The following IQCH variants were observed in gnomAD, a reference collection of about 807,000 sequenced individuals.
IQCH encodes IQ motif containing H, also known as IQ domain-containing protein H.
In IQCH, 98 loss-of-function variants were observed where a neutral mutation model predicts 117.0. The ratio of observed to expected loss-of-function variants is 0.84; its 90% CI spans 0.71 to 0.99. The LOEUF is 0.99. Ranked by LOEUF, IQCH falls within the 50% of genes least tolerant of loss-of-function variation. IQCH has a pLI of 0.00. For missense variants in IQCH, 1,102 were observed against 1,243.8 expected (o/e 0.89, Z 1.72); for synonymous variants, 412 against 448.2 (o/e 0.92, Z 1.02).
At chr15:67,444,003 C>T (rs540972191) in intron 16 of IQCH, among the ~76,000 whole-genome samples, 1 of 152,338 alleles carries the variant, frequency 6.6e-6, no homozygotes, top group African/African-American at 2.4e-5. Flanking sequence ...ACTTATTTGG[C>T]TGCCAAGCCT....
rs963342540 is a variant in IQCH at position 67,390,992 on chromosome 15, T to G, written c.1632+1986T>G. Among the ~76,000 whole-genome samples, 1 of 152,248 alleles carries G rather than the reference T, an allele frequency of 6.6e-6. No individual in the cohort carries two copies. The highest frequency in any genetic ancestry group is 2.4e-5 in the African/African-American group (1 of 41,470). On this transcript the variant is annotated intron_variant, in intron 12 of 20. Coordinates refer to ENST00000335894, the MANE Select transcript of IQCH (RefSeq NM_001031715.3). The surrounding 1 kb of genome is among the most constrained non-coding windows in gnomAD (Gnocchi z 5.0). ...CCTTGCTCCTGGATGACCTGTGGCC[T>G]TGGGCAAGCCCCCTTACTTCTCTGG...
chr15:67,315,755 T>C lies in IQCH; in HGVS notation c.388-21220T>C, dbSNP rs573892473. Among the ~76,000 whole-genome samples, 3 of 152,280 alleles carry C rather than the reference T, an allele frequency of 2.0e-5. No individual in the cohort carries two copies. The South Asian group carries it at 6.2e-4, about 32-fold the overall frequency. On this transcript the variant is annotated intron_variant, in intron 4 of 20. Transcript: ENST00000335894. The stretch of plus-strand genomic sequence containing the variant: ...AACACCAATTAGACTACATTCCCTT[T>C]TTGAATCTTTTAAGTCAGCTTCTGC...
intron 15 of IQCH, among the ~76,000 whole-genome samples, chr15:67,418,857 C>T (rs1361405708): frequency 6.6e-6 from 1 of 151,022 alleles, no homozygotes; most frequent in African/African-American, 2.4e-5. Context: ...GGATTACAGG[C>T]GTGAGCCACT....
At chr15:67,271,548 G>GA (rs756536438) in intron 3 of IQCH, among the ~76,000 whole-genome samples, 3 of 152,242 alleles carry the variant, frequency 2.0e-5, no homozygotes, top group South Asian at 4.2e-4. Flanking sequence ...CAAATCATTG[G>GA]TTTTTCTTAG....
In IQCH at chr15:67,254,829, G is replaced by C. The variant is rs1019636309; in HGVS notation, c.-68G>C. Reference sequence around the variant, plus strand: ...CGCGGTGTTGCCATGGGGACGAGCGGCTCCGGCTGAAGGTTTCCGTGCTTG... The same window carrying C: ...CGCGGTGTTGCCATGGGGACGAGCGCCTCCGGCTGAAGGTTTCCGTGCTTG... On this transcript the variant is annotated 5_prime_UTR_variant, in exon 1 of 21. Coordinates refer to ENST00000335894, the MANE Select transcript of IQCH (RefSeq NM_001031715.3). The C allele has an allele frequency of 6.5e-7, 1 of 1,528,218 alleles. No individual in the cohort carries two copies. The highest frequency in any genetic ancestry group is 1.8e-5 in the Admixed American group (1 of 55,448). 94.7% of individuals were successfully genotyped at this position (1,528,218 alleles called of 1,614,324 possible).
intron 8 of IQCH, among the ~76,000 whole-genome samples, chr15:67,362,670 C>T (rs1970186148): frequency 6.6e-6 from 1 of 152,166 alleles, no homozygotes; most frequent in African/African-American, 2.4e-5. Context: ...CATATCCTCA[C>T]CCTACAGCCC....
chr15:67,384,804 G>T lies in IQCH; in HGVS notation c.1373-132G>T. 1 of 635,380 alleles carries T rather than the reference G, an allele frequency of 1.6e-6. No homozygotes were observed. The allele number at this position is 635,380 out of a possible 1,614,324, so 39.4% of individuals were successfully genotyped here. A position where few individuals can be genotyped will look rare whatever the true frequency, so the allele number is the denominator to read the frequency against. On this transcript the variant is annotated intron_variant, in intron 10 of 20. Transcript: ENST00000335894. The surrounding 1 kb of genome is among the most constrained non-coding windows in gnomAD (Gnocchi z 4.3). ...CAAGCACCTCATTCTTCGGGATTGG[G>T]TTGTTTCTGTAAGATGCTTCAGAGA...
rs993768162 is a variant in IQCH at position 67,370,869 on chromosome 15, G to A, written c.754-1242G>A. The stretch of plus-strand genomic sequence containing the variant: ...AGATGGCAGTCTAATTAATTATTGT[G>A]CGGCCCAGGACCGGAGAAAAGAAAA... On this transcript the variant is annotated intron_variant, in intron 8 of 20. Transcript: ENST00000335894. The surrounding 1 kb of genome is among the most constrained non-coding windows in gnomAD (Gnocchi z 5.6). Among the ~76,000 whole-genome samples the A allele has an allele frequency of 6.6e-6, 1 of 151,560 alleles. No individual in the cohort carries two copies. Among genetic ancestry groups the A allele is most frequent in the Non-Finnish European group, 1.5e-5 (1 of 67,896 alleles).
intron 16 of IQCH, among the ~76,000 whole-genome samples, chr15:67,442,182 G>A (rs1304361845): frequency 6.6e-6 from 1 of 151,810 alleles, no homozygotes; most frequent in Non-Finnish European, 1.5e-5. Flanking sequence ...AGGCCAAGGT[G>A]GTCAGGTCAC....
chr15:67,448,005 T>G (rs954722211), intron 16 of IQCH, among the ~76,000 whole-genome samples: 2 of 152,186 alleles, frequency 1.3e-5, no homozygotes, highest in African/African-American at 2.4e-5. Flanking sequence ...TGGCAAAGCT[T>G]TTTAAGGTTT....
At chr15:67,382,280 A>G (rs889109642) in intron 10 of IQCH, among the ~76,000 whole-genome samples, 1 of 152,200 alleles carries the variant, frequency 6.6e-6, no homozygotes, top group Non-Finnish European at 1.5e-5. Context: ...TGAGGACCTT[A>G]TTGCCTCAAG....
rs1345795110 is a variant in IQCH, at chr15:67,481,956, G to A, written c.2799+6138G>A. On this transcript the variant is annotated intron_variant, in intron 18 of 20. Coordinates refer to ENST00000335894, the MANE Select transcript of IQCH (RefSeq NM_001031715.3). The surrounding 1 kb of genome is among the most constrained non-coding windows in gnomAD (Gnocchi z 4.1). ...GTTTTAAAATTGCTAAGGATGGCTT[G>A]TGCCTGTAATCCTAGCTGCTCACGA... Among the ~76,000 whole-genome samples, 1 of 152,186 alleles carries A rather than the reference G, an allele frequency of 6.6e-6. No individual in the cohort carries two copies. Among genetic ancestry groups the A allele is most frequent in the Non-Finnish European group, 1.5e-5 (1 of 68,036 alleles).
Position 67,386,828 on chromosome 15 carries a change from G to T in IQCH, c.1456+1809G>T, listed in dbSNP as rs1165270936. Among the ~76,000 whole-genome samples, 1 of 152,094 alleles carries T rather than the reference G, an allele frequency of 6.6e-6. No homozygotes were observed. Among genetic ancestry groups the T allele is most frequent in the Non-Finnish European group, 1.5e-5 (1 of 68,006 alleles). On this transcript the variant is annotated intron_variant, in intron 11 of 20. Coordinates refer to ENST00000335894, the MANE Select transcript of IQCH (RefSeq NM_001031715.3). The surrounding 1 kb of genome is among the most constrained non-coding windows in gnomAD (Gnocchi z 5.0). ...TTACCTGTCAGTTAATTTTGAACAT[G>T]TGTAAAATTAACACATGATAAAACC... is the stretch of plus-strand genomic sequence containing the variant.
At position 67,376,260 on chromosome 15, in the gene IQCH, T is replaced by G. The variant is rs1225336394; in HGVS notation, c.1372+2827T>G. Among the ~76,000 whole-genome samples, 1 of 152,216 alleles carries G rather than the reference T, an allele frequency of 6.6e-6. No individual in the cohort carries two copies. The highest frequency in any genetic ancestry group is 1.5e-5 in the Non-Finnish European group (1 of 68,032). The stretch of plus-strand genomic sequence containing the variant: ...GGGAGTCCTTAAAGAAGATTTCAGC[T>G]AGATGCCACAAACTTCTTTGTCTCA... On this transcript the variant is annotated intron_variant, in intron 10 of 20. Coordinates refer to ENST00000335894, the MANE Select transcript of IQCH (RefSeq NM_001031715.3). The surrounding 1 kb of genome is among the most constrained non-coding windows in gnomAD (Gnocchi z 5.0).
At chr15:67,468,406 G>C (rs892701092) in intron 17 of IQCH, among the ~76,000 whole-genome samples, 2 of 152,188 alleles carry the variant, frequency 1.3e-5, no homozygotes, top group African/African-American at 4.8e-5. Flanking sequence ...GATTTTGATA[G>C]AATGCAACAA....
rs1971950920 is a variant in IQCH, at chr15:67,407,397, C to G, written c.2097+7092C>G. ...ATCATTTACATATTTGTCTTCATCT[C>G]TGAGAATGACTTAGAATGTTTTCTT... On this transcript the variant is annotated intron_variant, in intron 14 of 20. Transcript: ENST00000335894. This position sits in a 1 kb window ranked among gnomAD's most constrained non-coding sequence, Gnocchi z 5.3. 6.6e-6 allele frequency: 1 copy of G among 152,174 alleles called. No individual in the cohort carries two copies. The highest frequency in any genetic ancestry group is 1.5e-5 in the Non-Finnish European group (1 of 68,030). 9.4% of individuals were successfully genotyped at this position (152,174 alleles called of 1,614,324 possible).
At chr15:67,497,475 G>T (rs771059152) in intron 20 of IQCH, among the ~76,000 whole-genome samples, 3 of 151,994 alleles carry the variant, frequency 2.0e-5, no homozygotes, top group Non-Finnish European at 4.4e-5. Context: ...GCATCAAAAA[G>T]AATAAAACAC....
chr15:67,382,952 T>G (rs1185089651), intron 10 of IQCH, among the ~76,000 whole-genome samples: 2 of 152,190 alleles, frequency 1.3e-5, no homozygotes, highest in Non-Finnish European at 2.9e-5. Context: ...AGATGAAATC[T>G]TTTCACCTGT....
intron 4 of IQCH, among the ~76,000 whole-genome samples, chr15:67,313,973 A>T (rs1298924438): frequency 6.6e-6 from 1 of 152,202 alleles, no homozygotes; most frequent in Non-Finnish European, 1.5e-5. Context: ...GCCTAAGTAG[A>T]GTTCTGCAGG....
Sources: gnomAD v4.1 joint callset for allele counts (sites outside exome capture counted in the v4.1 genomes callset) on GRCh38, gnomAD v4.1.1 for gene constraint, Gnocchi (gnomAD v3.1) non-coding constraint, MANE v1.5 for transcripts, NCBI Gene and HGNC (gene_info 2026-07-23, HGNC 2026-07-21) for gene names.